AP3B1: variants seen among roughly 807,000 people sequenced by gnomAD.
AP3B1 encodes adaptor related protein complex 3 subunit beta 1.
AP3B1 carries 61 observed loss-of-function variants against 132.5 expected under a neutral mutation model. The ratio of observed to expected loss-of-function variants is 0.46; its 90% CI spans 0.37 to 0.57. The LOEUF is 0.57. AP3B1 is among the 20% of genes least tolerant of loss of function. AP3B1 has a pLI of 0.00. For synonymous variants in AP3B1, 388 were observed against 438.3 expected, an observed-to-expected ratio of 0.89 and a Z score of 1.43; for missense variants, 1,120 against 1,289.4, an observed-to-expected ratio of 0.87 and a Z score of 2.01.
At chr5:78,274,945 T>A (rs920828242) in intron 1 of AP3B1, among the ~76,000 whole-genome samples, 1 of 151,796 alleles carries the variant, frequency 6.6e-6, no homozygotes, top group Admixed American at 6.6e-5. Flanking sequence ...ATCCAGAAAA[T>A]TACCTTGAGA....
intron 24 of AP3B1, among the ~76,000 whole-genome samples, chr5:78,024,234 C>T (rs12518864): frequency 0.27 from 40,779 of 151,882 alleles, 5,720 homozygotes; most frequent in Admixed American, 0.41. Context: ...ACATGGAATA[C>T]ATATATATAA....
At chr5:78,028,642 G>C (rs1333819610) in intron 24 of AP3B1, among the ~76,000 whole-genome samples, 1 of 152,104 alleles carries the variant, frequency 6.6e-6, no homozygotes, top group East Asian at 1.9e-4. Flanking sequence ...TGGGTAACCT[G>C]TACGGGCCAG....
At chr5:78,099,040 C>T (rs1342981426) in intron 21 of AP3B1, among the ~76,000 whole-genome samples, 1 of 152,168 alleles carries the variant, frequency 6.6e-6, no homozygotes, top group Non-Finnish European at 1.5e-5. Context: ...TATAGGGGTT[C>T]TACCCTCATG....
chr5:78,100,467 G>A (rs1751082136), intron 21 of AP3B1, among the ~76,000 whole-genome samples: 1 of 152,142 alleles, frequency 6.6e-6, no homozygotes, highest in Non-Finnish European at 1.5e-5. Context: ...ATTTTTTGCA[G>A]TTAAAAGACT....
At chr5:78,192,234 T>C (rs1423188617) in intron 7 of AP3B1, among the ~76,000 whole-genome samples, 3 of 151,738 alleles carry the variant, frequency 2.0e-5, no homozygotes, top group Non-Finnish European at 2.9e-5. Context: ...AATGTAAATA[T>C]AAACCAAGAG....
intron 20 of AP3B1, among the ~76,000 whole-genome samples, chr5:78,108,108 G>A (rs1431625434): frequency 1.3e-5 from 2 of 151,956 alleles, no homozygotes; most frequent in African/African-American, 2.4e-5. Flanking sequence ...CTCCTAGGTC[G>A]CATTTTCATG....
intron 22 of AP3B1, among the ~76,000 whole-genome samples, chr5:78,079,597 A>G (rs968231142): frequency 6.6e-6 from 1 of 152,250 alleles, no homozygotes; most frequent in African/African-American, 2.4e-5. Flanking sequence ...ATTTGGAAGC[A>G]CAAAACCCGG....
chr5:78,251,050 G>A (rs1747610922), intron 2 of AP3B1, among the ~76,000 whole-genome samples: 1 of 152,070 alleles, frequency 6.6e-6, no homozygotes, highest in African/African-American at 2.4e-5. Context: ...ACAGAAAAGG[G>A]AGAAAATAAA....
intron 2 of AP3B1, among the ~76,000 whole-genome samples, chr5:78,250,233 C>T (rs757788641): frequency 6.6e-6 from 1 of 152,040 alleles, no homozygotes; most frequent in African/African-American, 2.4e-5. Context: ...TACCAAACAG[C>T]AGAATATATA....
intron 7 of AP3B1, among the ~76,000 whole-genome samples, chr5:78,206,207 A>G (rs1358409418): frequency 6.6e-6 from 1 of 152,144 alleles, no homozygotes; most frequent in African/African-American, 2.4e-5. Flanking sequence ...CCAACCTACA[A>G]TGTATCAGGC....
chr5:78,018,762 G>A (rs4704474), intron 25 of AP3B1, among the ~76,000 whole-genome samples: 26,620 of 151,576 alleles, frequency 0.18, 2,939 homozygotes, highest in Admixed American at 0.28. Flanking sequence ...CTGAGGAAAC[G>A]GATTTTTATT....
At chr5:78,248,467 T>C (rs1302959435) in intron 2 of AP3B1, among the ~76,000 whole-genome samples, 1 of 119,762 alleles carries the variant, frequency 8.3e-6, no homozygotes, top group African/African-American at 3.3e-5. Context: ...CACTCCAGCC[T>C]GGGCAACAGA....
chr5:78,196,372 G>A (rs1013635551), intron 7 of AP3B1, among the ~76,000 whole-genome samples: 3 of 152,094 alleles, frequency 2.0e-5, no homozygotes, highest in Non-Finnish European at 2.9e-5. Flanking sequence ...TGATAACTCC[G>A]TATACAGACA....
rs1749681849 is a variant in AP3B1, at chr5:78,294,669, T to C, written c.-90A>G. On this transcript the variant is annotated 5_prime_UTR_variant, in exon 1 of 27. Coordinates refer to ENST00000255194, the MANE Select transcript of AP3B1 (RefSeq NM_003664.5). ...AGAGGGCACGGAACAAAACTAGTTC[T>C]CGTACGGAGGAGCGCGCGCAGGCGC... 6.3e-7 allele frequency: 1 copy of C among 1,597,082 alleles called. No homozygotes were observed. The highest frequency in any genetic ancestry group is 8.5e-7 in the Non-Finnish European group (1 of 1,172,822).
At chr5:78,028,916 T>A (rs892053286) in intron 24 of AP3B1, among the ~76,000 whole-genome samples, 4 of 152,232 alleles carry the variant, frequency 2.6e-5, no homozygotes, top group Non-Finnish European at 5.9e-5. Context: ...ACTTAAAAGA[T>A]CTCTGTGCTT....
intron 7 of AP3B1, among the ~76,000 whole-genome samples, chr5:78,209,747 C>G (rs1406766153): frequency 6.6e-6 from 1 of 152,138 alleles, no homozygotes; most frequent in East Asian, 1.9e-4. Context: ...GGGAAAAGAA[C>G]TGAGGAAGCT....
intron 22 of AP3B1, among the ~76,000 whole-genome samples, chr5:78,059,924 T>G (rs1748972326): frequency 6.6e-6 from 1 of 151,964 alleles, no homozygotes; most frequent in Admixed American, 6.6e-5. Flanking sequence ...TTATTAGAAG[T>G]AGTAGTGATA....
At chr5:78,173,394 G>C (rs1446854523) in intron 11 of AP3B1, among the ~76,000 whole-genome samples, 1 of 152,138 alleles carries the variant, frequency 6.6e-6, no homozygotes, top group Non-Finnish European at 1.5e-5. Context: ...GGGAGTCTAA[G>C]TCTCTTTGTA....
chr5:78,005,841 C>A (rs953418862), intron 26 of AP3B1, among the ~76,000 whole-genome samples: 8 of 152,206 alleles, frequency 5.3e-5, no homozygotes, highest in Non-Finnish European at 1.2e-4. Context: ...CCTGCACAGG[C>A]TATGCTTCAA....
Sources: gnomAD v4.1 joint callset for allele counts (sites outside exome capture counted in the v4.1 genomes callset) on GRCh38, gnomAD v4.1.1 for gene constraint, MANE v1.5 for transcripts, NCBI Gene and HGNC (gene_info 2026-07-23, HGNC 2026-07-21) for gene names.